The following KIRREL3 variants were observed in gnomAD, a reference collection of about 807,000 sequenced individuals.
The protein encoded by KIRREL3 is kirre like nephrin family adhesion molecule 3, also known as kin of IRRE-like protein 3.
In KIRREL3, 36 loss-of-function variants were observed where a neutral mutation model predicts 89.7. The observed-to-expected ratio is 0.40, with a 90% confidence interval of 0.31 to 0.53. The LOEUF is 0.53. Ranked by LOEUF, KIRREL3 falls within the 20% of genes least tolerant of loss-of-function variation. The pLI is 0.49. For synonymous variants in KIRREL3, 445 were observed against 441.4 expected (o/e 1.01, Z -0.10); for missense variants, 864 against 1,056.6 (o/e 0.82, Z 2.53).
At position 126,609,653 on chromosome 11, in the gene KIRREL3, T is replaced by A. The variant is rs1943040864; in HGVS notation, c.56-46741A>T. Among the ~76,000 whole-genome samples, 1 of 152,152 alleles carries A rather than the reference T, an allele frequency of 6.6e-6. No individual in the cohort carries two copies. Among genetic ancestry groups the A allele is most frequent in the Admixed American group, 6.5e-5 (1 of 15,286 alleles). On this transcript the variant is annotated intron_variant, in intron 1 of 16. Transcript: ENST00000525144. The surrounding 1 kb of genome is among the most constrained non-coding windows in gnomAD (Gnocchi z 5.0). The stretch of plus-strand genomic sequence containing the variant: ...TCTAACTGGAACTGGGATCGTGTTC[T>A]GGGGGTTCCGAACTTTGGCTGCATA...
intron 1 of KIRREL3, among the ~76,000 whole-genome samples, chr11:126,626,126 G>A (rs1310883062): frequency 6.6e-6 from 1 of 152,218 alleles, no homozygotes; most frequent in Non-Finnish European, 1.5e-5. Flanking sequence ...AATTGGCCCT[G>A]TGAGATACAT....
rs938016106 is a variant in KIRREL3 at position 126,900,917 on chromosome 11, G to A, written c.55+99538C>T. ...AACTGTAGGAAAAAAGGGAAAGTTG[G>A]AAGGGGAGGATAGAAAGATAGGAAC... On this transcript the variant is annotated intron_variant, in intron 1 of 16. Coordinates refer to ENST00000525144, the MANE Select transcript of KIRREL3 (RefSeq NM_032531.4). This position sits in a 1 kb window ranked among gnomAD's most constrained non-coding sequence, Gnocchi z 4.4. Among the ~76,000 whole-genome samples the A allele has an allele frequency of 2.6e-5, 4 of 152,148 alleles. No individual in the cohort carries two copies. The highest frequency in any genetic ancestry group is 9.7e-5 in the African/African-American group (4 of 41,422).
At chr11:126,488,404 G>A in intron 4 of KIRREL3, among the ~76,000 whole-genome samples, 1 of 152,256 alleles carries the variant, frequency 6.6e-6, no homozygotes, top group East Asian at 1.9e-4. Flanking sequence ...GTAAAGTGGA[G>A]CTAATATGTG....
Position 126,953,380 on chromosome 11 carries a change from T to C in KIRREL3, c.55+47075A>G, listed in dbSNP as rs1784309. On this transcript the variant is annotated intron_variant, in intron 1 of 16. Transcript: ENST00000525144. The surrounding 1 kb of genome is among the most constrained non-coding windows in gnomAD (Gnocchi z 5.2). ...ATAGCATTAGGAGAAATACCTAACG[T>C]AGATGAGGAGTCGATGGGTGCAGCA... Among the ~76,000 whole-genome samples the C allele has an allele frequency of 0.073, 11,078 of 152,048 alleles. 552 individuals carry two copies. The highest frequency in any genetic ancestry group is 0.18 in the Middle Eastern group (52 of 294).
At chr11:126,961,456 T>C (rs778949287) in intron 1 of KIRREL3, among the ~76,000 whole-genome samples, 3 of 152,230 alleles carry the variant, frequency 2.0e-5, no homozygotes, top group Non-Finnish European at 4.4e-5. Context: ...CACAACATTC[T>C]TTTAAGCCAA....
At chr11:126,803,307 C>T (rs946600248) in intron 1 of KIRREL3, among the ~76,000 whole-genome samples, 4 of 152,068 alleles carry the variant, frequency 2.6e-5, no homozygotes, top group African/African-American at 7.2e-5. Context: ...CAGAGATCAC[C>T]AGGCACAGAA....
At chr11:126,952,583 T>A (rs1312518668) in intron 1 of KIRREL3, among the ~76,000 whole-genome samples, 2 of 152,202 alleles carry the variant, frequency 1.3e-5, no homozygotes, top group Non-Finnish European at 2.9e-5. Flanking sequence ...CTCTTAACTT[T>A]AATTTGTCAG....
rs539348554 is a variant in KIRREL3, at chr11:126,892,502, A to G, written c.55+107953T>C. ...CAGCTATTATTTATCCTTAAGGAAG[A>G]AAAAAAGCAACCCTGAGAAAATGAT... On this transcript the variant is annotated intron_variant, in intron 1 of 16. Transcript: ENST00000525144. This position sits in a 1 kb window ranked among gnomAD's most constrained non-coding sequence, Gnocchi z 5.4. Among the ~76,000 whole-genome samples the G allele has an allele frequency of 4.6e-5, 7 of 152,308 alleles. No individual in the cohort carries two copies. Among genetic ancestry groups the G allele is most frequent in the African/African-American group, 7.2e-5 (3 of 41,568 alleles).
In KIRREL3 at chr11:126,605,602, C is replaced by G. The variant is rs530601696; in HGVS notation, c.56-42690G>C. Among the ~76,000 whole-genome samples the G allele has an allele frequency of 6.6e-5, 10 of 152,310 alleles. No homozygotes were observed. The highest frequency in any genetic ancestry group is 5.2e-4 in the Admixed American group (8 of 15,302). ...GGGCACTTCATTTCCCAGAGACAAC[C>G]GGCGCGTTTTAATAATGTCTACTTG... On this transcript the variant is annotated intron_variant, in intron 1 of 16. Coordinates refer to ENST00000525144, the MANE Select transcript of KIRREL3 (RefSeq NM_032531.4). The surrounding 1 kb of genome is among the most constrained non-coding windows in gnomAD (Gnocchi z 5.7).
In KIRREL3 at chr11:126,778,395, A is replaced by T. The variant is rs1242987017; in HGVS notation, c.56-215483T>A. Among the ~76,000 whole-genome samples the T allele has an allele frequency of 6.6e-6, 1 of 152,226 alleles. No individual in the cohort carries two copies. The highest frequency in any genetic ancestry group is 1.5e-5 in the Non-Finnish European group (1 of 68,024). ...GAAGAGGGGCTAAATCAGTGGGAACATCTTTCTATGTCCATAAATACACTT... is the reference window on the plus strand; with the variant it reads ...GAAGAGGGGCTAAATCAGTGGGAACTTCTTTCTATGTCCATAAATACACTT... On this transcript the variant is annotated intron_variant, in intron 1 of 16. Coordinates refer to ENST00000525144, the MANE Select transcript of KIRREL3 (RefSeq NM_032531.4). This position sits in a 1 kb window ranked among gnomAD's most constrained non-coding sequence, Gnocchi z 4.5.
intron 1 of KIRREL3, among the ~76,000 whole-genome samples, chr11:126,633,739 GA>G (rs369906972): frequency 6.6e-6 from 1 of 152,176 alleles, no homozygotes; most frequent in Non-Finnish European, 1.5e-5. Flanking sequence ...TTACAGCAAT[GA>G]AAAGGGTCTA....
rs1043922155 is a variant in KIRREL3 at position 126,627,607 on chromosome 11, T to A, written c.56-64695A>T. On this transcript the variant is annotated intron_variant, in intron 1 of 16. Coordinates refer to ENST00000525144, the MANE Select transcript of KIRREL3 (RefSeq NM_032531.4). This position sits in a 1 kb window ranked among gnomAD's most constrained non-coding sequence, Gnocchi z 5.0. ...GTGGTACATCATCTCCTAATTAACA[T>A]GTCTTGTCAGGTCCAGCGGTTGGCT... Among the ~76,000 whole-genome samples the A allele has an allele frequency of 6.6e-6, 1 of 152,226 alleles. No homozygotes were observed.
At chr11:126,675,222 C>T (rs1946134246) in intron 1 of KIRREL3, among the ~76,000 whole-genome samples, 1 of 152,230 alleles carries the variant, frequency 6.6e-6, no homozygotes, top group Non-Finnish European at 1.5e-5. Context: ...CCAACAGAGG[C>T]AATGATCTGA....
chr11:126,577,937 C>T (rs1649105), intron 1 of KIRREL3, among the ~76,000 whole-genome samples: 45,873 of 152,038 alleles, frequency 0.3, 7,060 homozygotes, highest in Admixed American at 0.36. Flanking sequence ...TAAAGGATTC[C>T]CCCTTTAGCA....
In KIRREL3 at chr11:126,807,847, A is replaced by C. The variant is rs1012029705; in HGVS notation, c.55+192608T>G. ...AGGCACTCTGTTAGGCACTTTACAT[A>C]TATTGTCTCAAATAATAGTCCTCAT... On this transcript the variant is annotated intron_variant, in intron 1 of 16. Transcript: ENST00000525144. This position sits in a 1 kb window ranked among gnomAD's most constrained non-coding sequence, Gnocchi z 4.3. 6.6e-6 allele frequency among the ~76,000 whole-genome samples: 1 copy of C among 152,176 alleles called. No individual in the cohort carries two copies. Among genetic ancestry groups the C allele is most frequent in the Non-Finnish European group, 1.5e-5 (1 of 68,040 alleles).
rs1424271483 is a variant in KIRREL3, at chr11:126,664,372, G to T, written c.56-101460C>A. Among the ~76,000 whole-genome samples the T allele has an allele frequency of 6.6e-6, 1 of 152,062 alleles. No homozygotes were observed. The highest frequency in any genetic ancestry group is 2.4e-5 in the African/African-American group (1 of 41,394). ...AGGGCAAGAGTAAGAGAGCAGGCAC[G>T]CAGAGGCAGAGAGTGAAGTCTAGTG... On this transcript the variant is annotated intron_variant, in intron 1 of 16. Coordinates refer to ENST00000525144, the MANE Select transcript of KIRREL3 (RefSeq NM_032531.4). The surrounding 1 kb of genome is among the most constrained non-coding windows in gnomAD (Gnocchi z 5.4).
rs927686874 is a variant in KIRREL3 at position 127,000,262 on chromosome 11, A to G, written c.55+193T>C. Among the ~76,000 whole-genome samples, 1 of 152,164 alleles carries G rather than the reference A, an allele frequency of 6.6e-6. No individual in the cohort carries two copies. Among genetic ancestry groups the G allele is most frequent in the South Asian group, 2.1e-4 (1 of 4,818 alleles). On this transcript the variant is annotated intron_variant, in intron 1 of 16. Coordinates refer to ENST00000525144, the MANE Select transcript of KIRREL3 (RefSeq NM_032531.4). This position sits in a 1 kb window ranked among gnomAD's most constrained non-coding sequence, Gnocchi z 7.1. ...TCCCCTCCCATACCCCTTCTTTCCA[A>G]AGGAAAATAAACAGTACCATTTTGT...
Position 126,426,122 on chromosome 11 carries a change from G to A in KIRREL3, c.1807-398C>T, listed in dbSNP as rs184231810. Among the ~76,000 whole-genome samples the A allele has an allele frequency of 3.3e-5, 5 of 152,362 alleles. No homozygotes were observed. The East Asian group carries it at 9.6e-4, about 29-fold the overall frequency. The stretch of plus-strand genomic sequence containing the variant: ...ACAGATTAACGTACATTAAGATACA[G>A]CTCTGCTCATCAGGGAGATGGACTT... On this transcript the variant is annotated intron_variant, in intron 15 of 16. Transcript: ENST00000525144.
rs1180996228 is a variant in KIRREL3 at position 126,669,712 on chromosome 11, T to C, written c.56-106800A>G. Among the ~76,000 whole-genome samples the C allele has an allele frequency of 6.6e-6, 1 of 152,224 alleles. No homozygotes were observed. Among genetic ancestry groups the C allele is most frequent in the Non-Finnish European group, 1.5e-5 (1 of 68,030 alleles). On this transcript the variant is annotated intron_variant, in intron 1 of 16. Transcript: ENST00000525144. This position sits in a 1 kb window ranked among gnomAD's most constrained non-coding sequence, Gnocchi z 5.0. The stretch of plus-strand genomic sequence containing the variant: ...TCTCTTCTCCATTTACATTTTTCTC[T>C]CAAGGTTTTGCATGAAACTCCAAGG...
Sources: gnomAD v4.1 joint callset for allele counts (sites outside exome capture counted in the v4.1 genomes callset) on GRCh38, gnomAD v4.1.1 for gene constraint, Gnocchi (gnomAD v3.1) non-coding constraint, MANE v1.5 for transcripts, NCBI Gene and HGNC (gene_info 2026-07-23, HGNC 2026-07-21) for gene names.